Variants in TLL1 observed in about 807,000 individuals in gnomAD.
TLL1 encodes tolloid like 1.
In TLL1, 49 loss-of-function variants were observed where a neutral mutation model predicts 128.2. The observed-to-expected ratio is 0.38, with a 90% CI of 0.30 to 0.48. The LOEUF (loss-of-function observed/expected upper bound fraction) is 0.48, where lower values mean the gene tolerates loss of function less well. TLL1 is among the 20% of genes least tolerant of loss of function. The pLI is 0.96. For synonymous variants in TLL1, 454 were observed against 418.8 expected (o/e 1.08, Z -1.03); for missense variants, 1,123 against 1,242.0 (o/e 0.90, Z 1.44).
chr4:166,007,112 G>T (rs1737476363), intron 6 of TLL1, among the ~76,000 whole-genome samples: 2 of 151,704 alleles, frequency 1.3e-5, no homozygotes, highest in African/African-American at 4.8e-5. Context: ...CAATCTTTGG[G>T]TACTTAAATT....
At chr4:165,931,718 C>CAAAAAAAAAAAAA (rs761214388) in intron 1 of TLL1, among the ~76,000 whole-genome samples, 8 of 133,472 alleles carry the variant, frequency 6.0e-5, no homozygotes, top group East Asian at 2.2e-4. Flanking sequence ...GACTCTGTCT[C>CAAAAAAAAAAAAA]AAAAGAAAAA....
chr4:166,079,910 G>A (rs970696408), intron 18 of TLL1, among the ~76,000 whole-genome samples: 8 of 151,854 alleles, frequency 5.3e-5, no homozygotes, highest in African/African-American at 1.9e-4. Flanking sequence ...TATTTCTTTG[G>A]CTGTCTCGAA....
chr4:166,082,223 C>A (rs1438750597), intron 18 of TLL1, among the ~76,000 whole-genome samples: 1 of 152,110 alleles, frequency 6.6e-6, no homozygotes, highest in Non-Finnish European at 1.5e-5. Flanking sequence ...ACCAGAACTT[C>A]TGATTCAGAG....
chr4:165,934,119 C>T (rs1212951787), intron 1 of TLL1, among the ~76,000 whole-genome samples: 1 of 151,760 alleles, frequency 6.6e-6, no homozygotes, highest in Non-Finnish European at 1.5e-5. Context: ...CTGCCTCAGC[C>T]TCCCGAGTAG....
At chr4:166,057,442 T>G in intron 14 of TLL1, 133 bp downstream of exon 14, 1 of 1,339,010 alleles carries the variant, frequency 7.5e-7, no homozygotes, top group Non-Finnish European at 1.0e-6. Context: ...TAAGACTCAA[T>G]TCACAGTCAC....
chr4:166,056,295 A>G (rs989678333), intron 13 of TLL1, among the ~76,000 whole-genome samples: 1 of 152,034 alleles, frequency 6.6e-6, no homozygotes, highest in East Asian at 1.9e-4. Flanking sequence ...TAATTTCTTC[A>G]GAGGATGTTT....
At chr4:165,924,771 A>T (rs1483635725) in intron 1 of TLL1, among the ~76,000 whole-genome samples, 1 of 152,196 alleles carries the variant, frequency 6.6e-6, no homozygotes, top group Non-Finnish European at 1.5e-5. Context: ...TCAATGCATG[A>T]CTTCGAAGCT....
intron 8 of TLL1, among the ~76,000 whole-genome samples, chr4:166,016,693 G>A (rs1321830592): frequency 6.6e-6 from 1 of 151,596 alleles, no homozygotes; most frequent in African/African-American, 2.4e-5. Flanking sequence ...CTATGATCTG[G>A]GAAAAAGATA....
chr4:165,924,154 A>G (rs1205724265), intron 1 of TLL1, among the ~76,000 whole-genome samples: 1 of 152,184 alleles, frequency 6.6e-6, no homozygotes, highest in Non-Finnish European at 1.5e-5. Flanking sequence ...AGTGGCCTCT[A>G]TATTTTCAAG....
rs569181200 is a variant in TLL1, at chr4:166,077,937, C to T, written c.2349C>T (p.Gly783=). Residue 783 remains glycine, a synonymous_variant, in exon 18 of 21, where the codon GGC becomes GGT. Transcript: ENST00000061240. The part of the protein sequence containing the change: ...ECEQKIHSPS[G]LITSPNWPDK... ...AACAGAAGATCCACAGTCCAAGTGG[C>T]CTCATCACCAGTCCCAACTGGCCAG... 211 of 1,613,602 alleles carry T rather than the reference C, an allele frequency of 1.3e-4. No individual in the cohort carries two copies. The East Asian group carries it at 3.9e-3, about 30-fold the overall frequency.
intron 1 of TLL1, among the ~76,000 whole-genome samples, chr4:165,895,072 A>T (rs1420631324): frequency 6.6e-6 from 1 of 152,074 alleles, no homozygotes; most frequent in African/African-American, 2.4e-5. Flanking sequence ...TGATCTTCAC[A>T]TGTTAATTTG....
intron 1 of TLL1, among the ~76,000 whole-genome samples, chr4:165,955,252 A>G (rs2110947379): frequency 6.6e-6 from 1 of 152,162 alleles, no homozygotes; most frequent in African/African-American, 2.4e-5. Flanking sequence ...GAAAGAAAAA[A>G]GAAATTATAA....
intron 1 of TLL1, among the ~76,000 whole-genome samples, chr4:165,933,232 C>G (rs889864137): frequency 6.6e-6 from 1 of 152,152 alleles, no homozygotes; most frequent in African/African-American, 2.4e-5. Context: ...AATCTCCCCC[C>G]ATACACTCCC....
intron 1 of TLL1, among the ~76,000 whole-genome samples, chr4:165,879,933 T>G (rs1730904475): frequency 6.6e-6 from 1 of 152,178 alleles, no homozygotes; most frequent in African/African-American, 2.4e-5. Flanking sequence ...GAATTAATTG[T>G]GGACTTATCC....
At chr4:165,898,340 C>G (rs1404043510) in intron 1 of TLL1, among the ~76,000 whole-genome samples, 2 of 152,236 alleles carry the variant, frequency 1.3e-5, no homozygotes, top group African/African-American at 4.8e-5. Flanking sequence ...AGCTTTTGCC[C>G]ATTCAGTATG....
intron 1 of TLL1, among the ~76,000 whole-genome samples, chr4:165,964,535 C>CT (rs1399910024): frequency 1.3e-5 from 2 of 152,088 alleles, no homozygotes; most frequent in African/African-American, 4.8e-5. Flanking sequence ...AGATGTAACT[C>CT]TGGATAGTTA....
chr4:166,055,711 T>C (rs1739972836), intron 13 of TLL1, among the ~76,000 whole-genome samples: 2 of 152,184 alleles, frequency 1.3e-5, no homozygotes, highest in African/African-American at 4.8e-5. Context: ...TATTCTGGTA[T>C]CTCAAATGTC....
intron 1 of TLL1, among the ~76,000 whole-genome samples, chr4:165,969,638 G>A (rs989982704): frequency 2.3e-4 from 35 of 152,018 alleles, no homozygotes; most frequent in African/African-American, 7.0e-4. Context: ...TGGTTGTGGG[G>A]TTTTTTGGTT....
chr4:165,990,042 T>C (rs964284298), intron 2 of TLL1, among the ~76,000 whole-genome samples: 18 of 152,076 alleles, frequency 1.2e-4, no homozygotes, highest in African/African-American at 3.8e-4. Context: ...TATATATCTA[T>C]ATAATTTTTG....
Sources: gnomAD v4.1 joint callset for allele counts (sites outside exome capture counted in the v4.1 genomes callset) on GRCh38, gnomAD v4.1.1 for gene constraint, MANE v1.5 for transcripts, NCBI Gene and HGNC (gene_info 2026-07-23, HGNC 2026-07-21) for gene names.